Variants in HUNK observed in about 807,000 individuals in gnomAD.
The protein encoded by HUNK is hormonally up-regulated neu tumor-associated kinase.
HUNK carries 21 observed loss-of-function variants against 61.0 expected under a neutral mutation model. The observed-to-expected ratio is 0.34, with a 90% CI of 0.24 to 0.50. HUNK has a LOEUF of 0.50. Among genes scored for constraint, HUNK ranks in the 20% least tolerant of loss-of-function variants. The pLI, the probability that HUNK is intolerant of heterozygous loss-of-function variation, is 0.98. For synonymous variants in HUNK, 371 were observed against 386.1 expected (o/e 0.96, Z 0.46); for missense variants, 772 against 945.7 (o/e 0.82, Z 2.41).
At chr21:31,966,741 A>G (rs1337422435) in intron 5 of HUNK, among the ~76,000 whole-genome samples, 4 of 152,210 alleles carry the variant, frequency 2.6e-5, no homozygotes, top group African/African-American at 9.6e-5. Flanking sequence ...TGCAAAGAAG[A>G]TTACTTTAGA....
chr21:31,908,042 C>T (rs974340296), intron 1 of HUNK, among the ~76,000 whole-genome samples: 25 of 151,756 alleles, frequency 1.6e-4, no homozygotes, highest in Admixed American at 5.2e-4. Flanking sequence ...GTGTTTTTAC[C>T]GCAATAAAAA....
chr21:31,896,727 G>C (rs2052427419), intron 1 of HUNK, among the ~76,000 whole-genome samples: 1 of 152,194 alleles, frequency 6.6e-6, no homozygotes. Flanking sequence ...GAAATTATTA[G>C]GATGGTCCAT....
Position 31,944,110 on chromosome 21 carries a change from C to T in HUNK, c.611-1926C>T, listed in dbSNP as rs557221308. Among the ~76,000 whole-genome samples the T allele has an allele frequency of 3.1e-4, 47 of 152,348 alleles. No homozygotes were observed. In the East Asian group the frequency reaches 8.5e-3, roughly 28 times the overall value. ...CACCTTTCTTTTTGAGATGGAGTCT[C>T]GTTCTGTCTCCCAGGCTGGAGTGCA... is the stretch of plus-strand genomic sequence containing the variant. On this transcript the variant is annotated intron_variant, in intron 3 of 10. Coordinates refer to ENST00000270112, the MANE Select transcript of HUNK (RefSeq NM_014586.2).
chr21:31,968,423 C>T (rs903567593), intron 6 of HUNK, 38 bp downstream of exon 6: 4 of 1,612,116 alleles, frequency 2.5e-6, no homozygotes, highest in Middle Eastern at 1.7e-4. Context: ...TCGGGAGAGA[C>T]GGGGCCTGTC....
intron 5 of HUNK, among the ~76,000 whole-genome samples, chr21:31,960,994 A>C (rs1360218779): frequency 6.6e-6 from 1 of 152,168 alleles, no homozygotes; most frequent in Non-Finnish European, 1.5e-5. Flanking sequence ...AGTTCTATAG[A>C]GTTTTTTCAC....
intron 3 of HUNK, among the ~76,000 whole-genome samples, chr21:31,944,494 G>T (rs2123830143): frequency 6.6e-6 from 1 of 152,184 alleles, no homozygotes; most frequent in African/African-American, 2.4e-5. Context: ...CTCCTCCTAA[G>T]GTGGGAATCC....
chr21:31,955,569 C>A (rs143953078), intron 4 of HUNK, among the ~76,000 whole-genome samples: 1 of 152,078 alleles, frequency 6.6e-6, no homozygotes, highest in South Asian at 2.1e-4. Flanking sequence ...CCAGCCTGGG[C>A]GATGGAGCGA....
intron 2 of HUNK, among the ~76,000 whole-genome samples, chr21:31,932,178 G>A (rs8126742): frequency 0.34 from 51,688 of 152,002 alleles, 9,518 homozygotes; most frequent in African/African-American, 0.47. Context: ...TTACACACTC[G>A]GGCGTAAACA....
At chr21:31,913,417 G>C (rs1003711953) in intron 1 of HUNK, among the ~76,000 whole-genome samples, 1 of 152,036 alleles carries the variant, frequency 6.6e-6, no homozygotes, top group Non-Finnish European at 1.5e-5. Flanking sequence ...GTACAGGAAG[G>C]AAGGGGAAGG....
intron 5 of HUNK, among the ~76,000 whole-genome samples, chr21:31,964,149 G>C (rs1385379254): frequency 6.6e-6 from 1 of 152,190 alleles, no homozygotes; most frequent in East Asian, 1.9e-4. Flanking sequence ...AGTCACTTCA[G>C]GTTATGATGG....
intron 6 of HUNK, chr21:31,974,285 T>TA: frequency 3.6e-6 from 1 of 274,418 alleles, no homozygotes; most frequent in Non-Finnish European, 6.7e-6. Context: ...GGTTAAGGGG[T>TA]AAAATGTCAT....
chr21:31,908,664 C>T (rs7283176), intron 1 of HUNK, among the ~76,000 whole-genome samples: 5,161 of 152,160 alleles, frequency 0.034, 319 homozygotes, highest in African/African-American at 0.12. Flanking sequence ...TCATGGCTGG[C>T]GAGGGGTGGT....
Position 31,895,617 on chromosome 21 carries a change from T to C in HUNK, c.261+21682T>C, listed in dbSNP as rs182641779. ...AAAATTTCAGCATTAGGAGAGTAAC[T>C]TCTGATTTATCACAAACAGCTGGGT... On this transcript the variant is annotated intron_variant, in intron 1 of 10. Transcript: ENST00000270112. Among the ~76,000 whole-genome samples the C allele has an allele frequency of 7.9e-5, 12 of 152,338 alleles. No individual in the cohort carries two copies. In the East Asian group the frequency reaches 2.3e-3, roughly 29 times the overall value.
intron 1 of HUNK, among the ~76,000 whole-genome samples, chr21:31,901,119 G>A (rs57173831): frequency 0.024 from 3,722 of 152,234 alleles, 79 homozygotes; most frequent in Middle Eastern, 0.058. Flanking sequence ...AAATAATGTC[G>A]TCTTAATTAA....
chr21:31,968,282 C>T lies in HUNK; in HGVS notation c.907C>T (p.Pro303Ser). The T allele has an allele frequency of 6.2e-7, 1 of 1,614,202 alleles. No individual in the cohort carries two copies. Among genetic ancestry groups the T allele is most frequent in the Non-Finnish European group, 8.5e-7 (1 of 1,180,032 alleles). The part of the protein sequence containing the change: ...AISFLRSLLE[P>S]DPVKRPNIQQ... ...CAGTTTCCTGCGCTCTCTCCTGGAACCGGATCCTGTGAAGAGGCCAAATAT... is the reference window on the plus strand; with the variant it reads ...CAGTTTCCTGCGCTCTCTCCTGGAATCGGATCCTGTGAAGAGGCCAAATAT... Residue 303 changes from proline (P) to serine (S), a missense_variant, in exon 6 of 11, where the codon CCG (proline) becomes TCG (serine). Pro to Ser is a moderately conservative substitution (Grantham distance 74). This residue lies in a region of HUNK where 359 missense variants were observed against 501.3 expected (regional missense o/e 0.72). Transcript: ENST00000270112.
Position 31,924,433 on chromosome 21 carries a change from G to A in HUNK, c.262-35G>A, listed in dbSNP as rs1191135242. The A allele has an allele frequency of 6.3e-7, 1 of 1,592,614 alleles. No homozygotes were observed. The highest frequency in any genetic ancestry group is 1.3e-5 in the African/African-American group (1 of 74,196). On this transcript the variant is annotated intron_variant, in intron 1 of 10. Transcript: ENST00000270112. This position sits in a 1 kb window ranked among gnomAD's most constrained non-coding sequence, Gnocchi z 5.1. ...CCAAGGCATCGCTATTGTCTGTAAT[G>A]TCTGATAACAGGCATGTTCTTGTTT...
chr21:31,995,503 C>A (rs1471480142), intron 9 of HUNK, among the ~76,000 whole-genome samples: 1 of 152,198 alleles, frequency 6.6e-6, no homozygotes, highest in Non-Finnish European at 1.5e-5. Flanking sequence ...CCTAGGAATG[C>A]CCTGCCCTTG....
chr21:31,881,463 C>T (rs1285588907), intron 1 of HUNK, among the ~76,000 whole-genome samples: 1 of 152,040 alleles, frequency 6.6e-6, no homozygotes, highest in Admixed American at 6.6e-5. Flanking sequence ...CCTGTCTCTA[C>T]TAAAAATACA....
chr21:31,998,397 T>C (rs2053220703), intron 10 of HUNK, 129 bp from the exon 11 acceptor site: 1 of 850,406 alleles, frequency 1.2e-6, no homozygotes, highest in Non-Finnish European at 1.8e-6. Context: ...CCAAGGCTGT[T>C]TGCCGGTTGG....
Sources: allele counts gnomAD v4.1 joint callset (sites outside exome capture counted in the v4.1 genomes callset), GRCh38; gene constraint gnomAD v4.1.1; regional missense constraint gnomAD v4.1.1; non-coding constraint Gnocchi (gnomAD v3.1); transcripts MANE v1.5; gene names NCBI Gene and HGNC (gene_info 2026-07-23, HGNC 2026-07-21).